SHOC2: variants seen among roughly 807,000 people sequenced by gnomAD.
SHOC2 encodes leucine-rich repeat protein SHOC-2.
A neutral mutation model predicts 50.2 loss-of-function variants in SHOC2; 4 were observed. That is an observed-to-expected ratio of 0.08 (90% CI 0.04 to 0.18). The LOEUF is 0.18. SHOC2 is among the 10% of genes least tolerant of loss of function. The pLI is 1.00. For missense variants in SHOC2, 388 were observed against 669.6 expected (o/e 0.58, Z 4.64); for synonymous variants, 218 against 244.5 (o/e 0.89, Z 1.01).
intron 1 of SHOC2, chr10:110,937,058 C>G (rs919916160): frequency 6.7e-7 from 1 of 1,487,130 alleles, no homozygotes; most frequent in East Asian, 2.3e-5. Flanking sequence ...CATCCGCTTG[C>G]GGAGGAAAGC....
chr10:111,002,887 A>AT (rs1848405040), intron 4 of SHOC2, among the ~76,000 whole-genome samples: 1 of 152,174 alleles, frequency 6.6e-6, no homozygotes, highest in African/African-American at 2.4e-5. Context: ...CAGTATTAAC[A>AT]TTTTATCATA....
chr10:110,966,131 T>C (rs1847670461), intron 2 of SHOC2, among the ~76,000 whole-genome samples: 1 of 152,128 alleles, frequency 6.6e-6, no homozygotes, highest in Non-Finnish European at 1.5e-5. Flanking sequence ...ATATTTTGTT[T>C]AGCTTTGAAA....
intron 2 of SHOC2, among the ~76,000 whole-genome samples, chr10:110,978,594 C>G (rs1384716364): frequency 1.3e-5 from 2 of 152,234 alleles, no homozygotes; most frequent in African/African-American, 4.8e-5. Context: ...TTAAAGACCA[C>G]AGTTGGCAAC....
At chr10:110,961,636 A>G (rs1015062068) in intron 1 of SHOC2, among the ~76,000 whole-genome samples, 3 of 152,198 alleles carry the variant, frequency 2.0e-5, no homozygotes, top group African/African-American at 7.2e-5. Context: ...TACAAGTGCT[A>G]CAGGATGAGT....
intron 3 of SHOC2, among the ~76,000 whole-genome samples, chr10:110,990,777 A>C (rs1693273560): frequency 6.6e-6 from 1 of 152,194 alleles, no homozygotes; most frequent in Non-Finnish European, 1.5e-5. Context: ...AAACAAAAAA[A>C]AACACAACAA....
rs376153564 is a variant in SHOC2 at position 111,002,047 on chromosome 10, A to G, written c.972+1502A>G. Among the ~76,000 whole-genome samples, 485 of 148,642 alleles carry G rather than the reference A, an allele frequency of 3.3e-3. 25 individuals carry two copies. In the South Asian group the frequency reaches 0.094, roughly 29 times the overall value. On this transcript the variant is annotated intron_variant, in intron 4 of 8. Coordinates refer to ENST00000369452, the MANE Select transcript of SHOC2 (RefSeq NM_007373.4). ...GGCAACAAAGGGAGACTTTGTCTCA[A>G]AAAAAAAAAAATAAGTGAAAAAATT...
chr10:110,951,399 G>A (rs1291479617), intron 1 of SHOC2, among the ~76,000 whole-genome samples: 2 of 152,106 alleles, frequency 1.3e-5, no homozygotes, highest in African/African-American at 2.4e-5. Context: ...GTAAGTGTTG[G>A]TGGGGATATA....
At position 110,951,284 on chromosome 10, in the gene SHOC2, G is replaced by A. The variant is rs915037450; in HGVS notation, c.-234-12841G>A. 2.0e-5 allele frequency among the ~76,000 whole-genome samples: 3 copies of A among 152,186 alleles called. No individual in the cohort carries two copies. The South Asian group carries it at 6.2e-4, about 32-fold the overall frequency. On this transcript the variant is annotated intron_variant, in intron 1 of 8. Transcript: ENST00000369452. ...TCAGGTATGTGAAAAAATGCTCAAC[G>A]TCATTAATCATCAGGGAAATGCAAA...
intron 1 of SHOC2, among the ~76,000 whole-genome samples, chr10:110,923,472 C>T (rs1846695101): frequency 1.3e-5 from 2 of 152,110 alleles, no homozygotes. Context: ...AGAGTTTATA[C>T]ACGCAAAAGG....
intron 1 of SHOC2, among the ~76,000 whole-genome samples, chr10:110,932,308 C>A (rs1318054485): frequency 6.6e-6 from 1 of 152,086 alleles, no homozygotes; most frequent in Admixed American, 6.5e-5. Context: ...CCTGAGGACT[C>A]CCCTCAGTTC....
At chr10:110,963,523 T>C (rs1478474058) in intron 1 of SHOC2, among the ~76,000 whole-genome samples, 2 of 152,180 alleles carry the variant, frequency 1.3e-5, no homozygotes, top group Non-Finnish European at 2.9e-5. Context: ...TTTGCCAGAC[T>C]GCTCTCTCTT....
rs188499689 is a variant in SHOC2, at chr10:110,946,001, C to A, written c.-234-18124C>A. Among the ~76,000 whole-genome samples, 6 of 152,250 alleles carry A rather than the reference C, an allele frequency of 3.9e-5. No homozygotes were observed. In the East Asian group the frequency reaches 1.2e-3, roughly 29 times the overall value. ...TACCATCATATGTCAGTGTTCATCT[C>A]TTCCTGTTCTAACTGATACCCTACA... On this transcript the variant is annotated intron_variant, in intron 1 of 8. Transcript: ENST00000369452.
At chr10:110,940,910 G>GTTTTTTTTTTTTTTGTTTTTTT (rs1847126068) in intron 1 of SHOC2, among the ~76,000 whole-genome samples, 1 of 119,504 alleles carries the variant, frequency 8.4e-6, no homozygotes, top group Admixed American at 8.7e-5. Flanking sequence ...TTTGTGGTGG[G>GTTTTTTTTTTTTTTGTTTTTTT]TTTTTTTTTT....
intron 4 of SHOC2, among the ~76,000 whole-genome samples, chr10:111,003,245 C>T (rs1266306013): frequency 6.6e-6 from 1 of 152,162 alleles, no homozygotes; most frequent in African/African-American, 2.4e-5. Context: ...TGATGGTGGA[C>T]AACTGAAGTT....
intron 1 of SHOC2, among the ~76,000 whole-genome samples, chr10:110,944,738 T>C (rs1044797021): frequency 1.3e-5 from 2 of 152,366 alleles, no homozygotes. Context: ...CTGCAAACTC[T>C]ATTTGATGTG....
intron 1 of SHOC2, among the ~76,000 whole-genome samples, chr10:110,958,168 G>A (rs1056017912): frequency 1.3e-5 from 2 of 151,264 alleles, no homozygotes; most frequent in African/African-American, 2.4e-5. Flanking sequence ...CCTAGTTTAT[G>A]TGTACCTCTG....
In SHOC2 at chr10:110,998,931, A is replaced by G. The variant is rs978615016; in HGVS notation, c.842-1484A>G. 2.6e-5 allele frequency among the ~76,000 whole-genome samples: 4 copies of G among 152,242 alleles called. No homozygotes were observed. In the East Asian group the frequency reaches 7.7e-4, roughly 29 times the overall value. ...CTCTTAAGGTGTCAAGGCTTAACTT[A>G]TGCTATAGACTAATGTATGTTTTCT... On this transcript the variant is annotated intron_variant, in intron 3 of 8. Transcript: ENST00000369452.
chr10:110,970,017 T>A (rs1159595300), intron 2 of SHOC2, among the ~76,000 whole-genome samples: 1 of 152,206 alleles, frequency 6.6e-6, no homozygotes, highest in Non-Finnish European at 1.5e-5. Flanking sequence ...CTCAAACATT[T>A]ATCATTGCTT....
intron 3 of SHOC2, among the ~76,000 whole-genome samples, chr10:110,991,037 C>G (rs1013649165): frequency 6.6e-6 from 1 of 152,158 alleles, no homozygotes; most frequent in Non-Finnish European, 1.5e-5. Context: ...TTTGCCTGCT[C>G]CTTCAACTGA....
Sources: allele counts gnomAD v4.1 joint callset (sites outside exome capture counted in the v4.1 genomes callset), GRCh38; gene constraint gnomAD v4.1.1; transcripts MANE v1.5; gene names NCBI Gene and HGNC (gene_info 2026-07-23, HGNC 2026-07-21).